SPATA21: variants seen among roughly 807,000 people sequenced by gnomAD.
The protein encoded by SPATA21 is spermatogenesis-associated protein 21.
A neutral mutation model predicts 54.8 loss-of-function variants in SPATA21; 47 were observed. The observed-to-expected ratio is 0.86, with a 90% CI of 0.68 to 1.09. SPATA21 has a LOEUF of 1.09. Among genes scored for constraint, SPATA21 ranks in the 50% least tolerant of loss-of-function variants. The pLI is 0.00. For missense variants in SPATA21, 599 were observed against 596.4 expected, an observed-to-expected ratio of 1.00 and a Z score of -0.05; for synonymous variants, 245 against 235.3, an observed-to-expected ratio of 1.04 and a Z score of -0.38.
At chr1:16,425,008 T>C (rs2086283032) in intron 3 of SPATA21, 1 of 327,952 alleles carries the variant, frequency 3.0e-6, no homozygotes. Flanking sequence ...AACCTCCACC[T>C]CCCGTGTTCA....
chr1:16,409,090 G>C lies in SPATA21; in HGVS notation c.673+28C>G, dbSNP rs372104797. 2 of 1,612,040 alleles carry C rather than the reference G, an allele frequency of 1.2e-6. No homozygotes were observed. The highest frequency in any genetic ancestry group is 2.7e-5 in the African/African-American group (2 of 74,872). ...AAGGACCAAGGGTCCTGCCTGTGCT[G>C]GGACCTCCCTGACCTCCCTGCCCTC... On this transcript the variant is annotated intron_variant, in intron 7 of 12. Transcript: ENST00000335496. The surrounding 1 kb of genome is among the most constrained non-coding windows in gnomAD (Gnocchi z 4.1).
At chr1:16,418,287 T>A (rs1331490819) in intron 5 of SPATA21, among the ~76,000 whole-genome samples, 1 of 152,146 alleles carries the variant, frequency 6.6e-6, no homozygotes, top group Admixed American at 6.5e-5. Context: ...TTTTATTTTT[T>A]TTGAGATGGA....
chr1:16,431,327 C>G lies in SPATA21; in HGVS notation c.34+11G>C, dbSNP rs566654514. 6.2e-7 allele frequency: 1 copy of G among 1,614,166 alleles called. No individual in the cohort carries two copies. Among genetic ancestry groups the G allele is most frequent in the African/African-American group, 1.3e-5 (1 of 75,046 alleles). On this transcript the variant is annotated intron_variant, in intron 3 of 12. Transcript: ENST00000335496. ...CAGGACTTGGCTGCGTCCCTGGAGC[C>G]TTGGTTCTACCCTCCGTGTACATCT...
At chr1:16,423,125 C>G (rs919023488) in intron 3 of SPATA21, among the ~76,000 whole-genome samples, 3 of 151,530 alleles carry the variant, frequency 2.0e-5, no homozygotes, top group Non-Finnish European at 4.4e-5. Flanking sequence ...CCACTGCACT[C>G]CAGCCTGGGC....
At chr1:16,434,434 G>A (rs535890767) in intron 1 of SPATA21, among the ~76,000 whole-genome samples, 2 of 151,884 alleles carry the variant, frequency 1.3e-5, no homozygotes, top group African/African-American at 4.8e-5. Flanking sequence ...GACTACAGAC[G>A]CATGCCACCA....
At chr1:16,410,284 C>G (rs1346462886) in intron 5 of SPATA21, among the ~76,000 whole-genome samples, 2 of 152,184 alleles carry the variant, frequency 1.3e-5, no homozygotes, top group Non-Finnish European at 2.9e-5. Context: ...TTTACTCTGT[C>G]ACTCAGGCTG....
rs527355013 is a variant in SPATA21 at position 16,409,538 on chromosome 1, C to G, written c.587+63G>C. 93 of 1,529,012 alleles carry G rather than the reference C, an allele frequency of 6.1e-5. 1 individual carries two copies. In the South Asian group the frequency reaches 9.3e-4, roughly 15 times the overall value. 94.7% of individuals were successfully genotyped at this position (1,529,012 alleles called of 1,614,324 possible). A position where few individuals can be genotyped will look rare whatever the true frequency, so the allele number is the denominator to read the frequency against. On this transcript the variant is annotated intron_variant, in intron 6 of 12. Coordinates refer to ENST00000335496, the MANE Select transcript of SPATA21 (RefSeq NM_198546.1). This position sits in a 1 kb window ranked among gnomAD's most constrained non-coding sequence, Gnocchi z 4.1. ...AGGTGCAGGGACAGGGACCTGCATC[C>G]GGGACAAGGCTCTGATCTTGGGGCC...
In SPATA21 at chr1:16,405,095, C is replaced by T; in HGVS notation, c.683G>A (p.Ser228Asn). 2 of 1,609,174 alleles carry T rather than the reference C, an allele frequency of 1.2e-6. No homozygotes were observed. Among genetic ancestry groups the T allele is most frequent in the South Asian group, 2.2e-5 (2 of 89,910 alleles). Residue 228 changes from serine to asparagine, a missense_variant, in exon 8 of 13, where the codon AGC becomes AAC. Transcript: ENST00000335496. ...AGGACCATTGAAGATCTCAAAGTAG[C>T]TGCGGAAGGCTGTGGGGAGGGCAGG... ...LTLKQEEAFR[S>N]YFEIFNGPGE... is the part of the protein sequence containing the mutation.
Position 16,409,555 on chromosome 1 carries a change from C to A in SPATA21, c.587+46G>T, listed in dbSNP as rs1373616139. 5 of 1,571,174 alleles carry A rather than the reference C, an allele frequency of 3.2e-6. No homozygotes were observed. Among genetic ancestry groups the A allele is most frequent in the Non-Finnish European group, 4.3e-6 (5 of 1,160,050 alleles). On this transcript the variant is annotated intron_variant, in intron 6 of 12. Coordinates refer to ENST00000335496, the MANE Select transcript of SPATA21 (RefSeq NM_198546.1). The surrounding 1 kb of genome is among the most constrained non-coding windows in gnomAD (Gnocchi z 4.1). ...CCTGCATCCGGGACAAGGCTCTGAT[C>A]TTGGGGCCTTTCAGGAGCGGGCGGG...
At position 16,412,753 on chromosome 1, in the gene SPATA21, A is replaced by G. The variant is rs796205280; in HGVS notation, c.145-2710T>C. ...GCTGGGATTACAGGCATGAGCCATC[A>G]TATCCAGCCACATTTACCAACTTAA... On this transcript the variant is annotated intron_variant, in intron 5 of 12. Transcript: ENST00000335496. Among the ~76,000 whole-genome samples, 6 of 151,850 alleles carry G rather than the reference A, an allele frequency of 4.0e-5. No homozygotes were observed. The East Asian group carries it at 1.2e-3, about 29-fold the overall frequency.
chr1:16,412,896 G>A (rs7515143), intron 5 of SPATA21, among the ~76,000 whole-genome samples: 96,551 of 152,134 alleles, frequency 0.63, 31,084 homozygotes, highest in East Asian at 0.92. Flanking sequence ...CAATTCCCCT[G>A]CTTCAGCCTC....
intron 7 of SPATA21, among the ~76,000 whole-genome samples, chr1:16,406,158 C>T (rs1192525614): frequency 1.3e-5 from 2 of 151,722 alleles, no homozygotes; most frequent in Non-Finnish European, 1.5e-5. Context: ...TTCACTCTGT[C>T]ACCCAGGCTG....
chr1:16,425,851 C>T, intron 3 of SPATA21: 1 of 820,080 alleles, frequency 1.2e-6, no homozygotes, highest in Non-Finnish European at 1.9e-6. Context: ...CAATGAAGGA[C>T]TCACAGGAAT....
chr1:16,413,805 G>A (rs1007595154), intron 5 of SPATA21, among the ~76,000 whole-genome samples: 9 of 151,944 alleles, frequency 5.9e-5, no homozygotes, highest in African/African-American at 2.2e-4. Flanking sequence ...TAGAGAGAGG[G>A]TTTCGCTATA....
chr1:16,421,688 G>T lies in SPATA21; in HGVS notation c.96-131C>A. On this transcript the variant is annotated intron_variant, in intron 4 of 12. Coordinates refer to ENST00000335496, the MANE Select transcript of SPATA21 (RefSeq NM_198546.1). This position sits in a 1 kb window ranked among gnomAD's most constrained non-coding sequence, Gnocchi z 5.2. ...TCCCCTTGGCCTTCTCATCTCAGGG[G>T]GCTCCTTATGTCCCCACATCCTCAT... 1.8e-6 allele frequency: 2 copies of T among 1,127,784 alleles called. No individual in the cohort carries two copies. The highest frequency in any genetic ancestry group is 2.5e-6 in the Non-Finnish European group (2 of 784,618). The allele number at this position is 1,127,784 out of a possible 1,614,324, so 69.9% of individuals were successfully genotyped here. A position where few individuals can be genotyped will look rare whatever the true frequency, so the allele number is the denominator to read the frequency against.
At chr1:16,424,864 C>T (rs2100876006) in intron 3 of SPATA21, 1 of 263,082 alleles carries the variant, frequency 3.8e-6, no homozygotes, top group African/African-American at 2.3e-5. Context: ...CCTCCCTCCC[C>T]CCTGCACCCA....
chr1:16,409,594 C>A lies in SPATA21; in HGVS notation c.587+7G>T. On this transcript the variant is annotated splice_region_variant and intron_variant, in intron 6 of 12. Transcript: ENST00000335496. The surrounding 1 kb of genome is among the most constrained non-coding windows in gnomAD (Gnocchi z 4.1). ...GGAGCGGGCGGGTGAGCAGCGGGGG[C>A]TCCTACCGCGCCTTGGCGTAGCTCA... 6.2e-7 allele frequency: 1 copy of A among 1,607,330 alleles called. No individual in the cohort carries two copies. The highest frequency in any genetic ancestry group is 2.2e-5 in the East Asian group (1 of 44,758).
intron 2 of SPATA21, among the ~76,000 whole-genome samples, chr1:16,432,411 T>C (rs1221800915): frequency 6.6e-6 from 1 of 152,048 alleles, no homozygotes; most frequent in Non-Finnish European, 1.5e-5. Flanking sequence ...TGTGAGCCAC[T>C]GCACCTGGCC....
At chr1:16,435,104 G>T (rs1453174923) in intron 1 of SPATA21, among the ~76,000 whole-genome samples, 1 of 151,828 alleles carries the variant, frequency 6.6e-6, no homozygotes, top group Non-Finnish European at 1.5e-5. Flanking sequence ...GGATCCTCCC[G>T]CCTCAGCCTC....
Sources: gnomAD v4.1 joint callset for allele counts (sites outside exome capture counted in the v4.1 genomes callset) on GRCh38, gnomAD v4.1.1 for gene constraint, Gnocchi (gnomAD v3.1) non-coding constraint, MANE v1.5 for transcripts, NCBI Gene and HGNC (gene_info 2026-07-23, HGNC 2026-07-21) for gene names.